The following OTOG variants were observed in gnomAD, a reference collection of about 807,000 sequenced individuals.
OTOG encodes otogelin.
In OTOG, 296 loss-of-function variants were observed where a neutral mutation model predicts 313.8. The observed-to-expected ratio is 0.94, with a 90% CI of 0.86 to 1.04. The LOEUF is 1.04. OTOG is among the 50% of genes least tolerant of loss of function. OTOG has a pLI of 0.00. For missense variants in OTOG, 3,948 were observed against 3,840.1 expected (o/e 1.03, Z -0.74); for synonymous variants, 1,533 against 1,554.9 (o/e 0.99, Z 0.33).
At chr11:17,642,280 CA>C (rs1404748065) in intron 53 of OTOG, 34 bp downstream of exon 53, 1 of 1,525,924 alleles carries the variant, frequency 6.6e-7, no homozygotes, top group Non-Finnish European at 8.8e-7. Flanking sequence ...GGCTGTAGGC[CA>C]GGGGCATCAG....
rs56402246 is a variant in OTOG, at chr11:17,548,418, CTTTTTTTTTTTT to C, written c.216+233_216+244del. Among the ~76,000 whole-genome samples the C allele has an allele frequency of 8.0e-3, 698 of 87,472 alleles. 18 individuals are homozygous for C. Among genetic ancestry groups the C allele is most frequent in the African/African-American group, 0.03 (629 of 20,982 alleles). The allele number at this position is 87,472 out of a possible 152,430, so 57.4% of individuals were successfully genotyped here. ...ATCTCTTGGGGGTCTATAGTCCACT[CTTTTTTTTTTTT>C]TTTTTTTTTTTTTTTTTTTTTTTTT... is the stretch of plus-strand genomic sequence containing the variant. On this transcript the variant is annotated intron_variant, in intron 3 of 55. Coordinates refer to ENST00000399397, the MANE Select transcript of OTOG (RefSeq NM_001292063.2).
intron 39 of OTOG, among the ~76,000 whole-genome samples, chr11:17,619,637 C>T (rs1853813950): frequency 6.6e-6 from 1 of 152,058 alleles, no homozygotes; most frequent in African/African-American, 2.4e-5. Flanking sequence ...TATTATATTG[C>T]ATCATATATA....
intron 3 of OTOG, among the ~76,000 whole-genome samples, chr11:17,549,936 C>G (rs185629006): frequency 3.9e-5 from 6 of 152,134 alleles, no homozygotes; most frequent in African/African-American, 1.4e-4. Flanking sequence ...TGGGGGTGTG[C>G]CCCAGACCAG....
At chr11:17,583,194 G>C (rs1268585848) in intron 23 of OTOG, among the ~76,000 whole-genome samples, 2 of 152,056 alleles carry the variant, frequency 1.3e-5, no homozygotes, top group African/African-American at 2.4e-5. Context: ...GAGTGCAGTG[G>C]TGCCATCACG....
At position 17,610,648 on chromosome 11, in the gene OTOG, C is replaced by A. The variant is rs1424814136; in HGVS notation, c.5348C>A (p.Ala1783Glu). The part of the protein sequence containing the change: ...ASLSTATDGL[A>E]ATPFMSLEST... The stretch of plus-strand genomic sequence containing the variant: ...CTGTCAACAGCCACTGATGGGCTGG[C>A]AGCCACACCCTTCATGTCCCTTGAG... Residue 1783 changes from alanine to glutamate, a missense_variant, in exon 36 of 56, where the codon GCA becomes GAA. Physicochemically the swap from Ala to Glu is moderately radical, Grantham distance 107. Transcript: ENST00000399397. 3 of 1,550,606 alleles carry A rather than the reference C, an allele frequency of 1.9e-6. No homozygotes were observed. Among genetic ancestry groups the A allele is most frequent in the African/African-American group, 1.4e-5 (1 of 73,046 alleles).
chr11:17,559,010 T>G, intron 10 of OTOG, 42 bp from the exon 11 acceptor site: 2 of 1,482,538 alleles, frequency 1.3e-6, no homozygotes, highest in Non-Finnish European at 1.8e-6. Context: ...CTGGTGGCAC[T>G]TTGGGTTTTG....
rs1369443484 is a variant in OTOG, at chr11:17,605,994, G to C, written c.4015G>C (p.Gly1339Arg). 2 of 1,550,602 alleles carry C rather than the reference G, an allele frequency of 1.3e-6. No homozygotes were observed. Among genetic ancestry groups the C allele is most frequent in the Admixed American group, 3.9e-5 (2 of 51,004 alleles). Residue 1339 changes from glycine to arginine, a missense_variant, in exon 33 of 56, where the codon GGG (glycine) becomes CGG (arginine). Physicochemically the swap from Gly to Arg is moderately radical, Grantham distance 125. Coordinates refer to ENST00000399397, the MANE Select transcript of OTOG (RefSeq NM_001292063.2). ...GCATGCCTCCTTCTTGCTGCACCGG[G>C]GGACACGGCAGGCAGGCCTGGTGGC... is the stretch of plus-strand genomic sequence containing the variant. Reference protein sequence around the residue: ...QQHASFLLHRGTRQAGLVALE... With the variant: ...QQHASFLLHRRTRQAGLVALE...
At chr11:17,593,996 G>A (rs1240202375) in intron 27 of OTOG, 51 bp from the exon 28 acceptor site, 31 of 1,549,430 alleles carry the variant, frequency 2.0e-5, no homozygotes, top group Non-Finnish European at 2.7e-5. Flanking sequence ...TCTGCCCGTG[G>A]CTCACCTCTG....
chr11:17,592,892 A>T (rs577839171), intron 25 of OTOG, among the ~76,000 whole-genome samples: 6 of 152,372 alleles, frequency 3.9e-5, no homozygotes. Flanking sequence ...AGCATCAAGG[A>T]TGTATGTGAG....
At chr11:17,567,970 A>T (rs944588126) in intron 15 of OTOG, among the ~76,000 whole-genome samples, 1 of 151,932 alleles carries the variant, frequency 6.6e-6, no homozygotes, top group South Asian at 2.1e-4. Flanking sequence ...TGCAGTGGCG[A>T]GATCTCGGCT....
chr11:17,614,157 A>C (rs1853667369), intron 39 of OTOG, among the ~76,000 whole-genome samples: 1 of 152,134 alleles, frequency 6.6e-6, no homozygotes, highest in Admixed American at 6.5e-5. Context: ...GCCCACCCCC[A>C]TATGGGCATC....
intron 48 of OTOG, chr11:17,639,049 T>C (rs957411582): frequency 3.2e-6 from 1 of 310,308 alleles, no homozygotes; most frequent in Non-Finnish European, 6.2e-6. Flanking sequence ...TGAGACTCCA[T>C]CTCAAAGAAA....
intron 1 of OTOG, 28 bp downstream of exon 1, chr11:17,547,494 C>A: frequency 7.5e-7 from 1 of 1,324,884 alleles, no homozygotes; most frequent in Non-Finnish European, 9.6e-7. Flanking sequence ...TCAGGGAGGT[C>A]GGGGGCTCGA....
chr11:17,610,618 C>T lies in OTOG; in HGVS notation c.5318C>T (p.Ala1773Val), dbSNP rs749527625. The T allele has an allele frequency of 3.4e-5, 52 of 1,550,576 alleles. 1 individual carries two copies. The highest frequency in any genetic ancestry group is 1.3e-4 in the South Asian group (11 of 84,066). ...PALPPETPAA[A>V]SLSTATDGLA... Reference sequence around the variant, plus strand: ...CTGCCCCCAGAGACCCCAGCTGCCGCCAGCCTGTCAACAGCCACTGATGGG... The same window carrying T: ...CTGCCCCCAGAGACCCCAGCTGCCGTCAGCCTGTCAACAGCCACTGATGGG... Residue 1773 changes from alanine (A) to valine (V), a missense_variant, in exon 36 of 56, where the codon GCC becomes GTC. Transcript: ENST00000399397.
rs986179183 is a variant in OTOG, at chr11:17,635,539, C to A, written c.7694-71C>A. On this transcript the variant is annotated intron_variant, in intron 46 of 55. Transcript: ENST00000399397. ...CTGGGTTGTTGAGGAGGCCCCACCCCCAGCAACGTGCTGTGTGCCAGGCCC... is the reference window on the plus strand; with the variant it reads ...CTGGGTTGTTGAGGAGGCCCCACCCACAGCAACGTGCTGTGTGCCAGGCCC... The A allele has an allele frequency of 5.5e-6, 7 of 1,272,074 alleles. No individual in the cohort carries two copies. In the Admixed American group the frequency reaches 1.2e-4, roughly 22 times the overall value. The allele number at this position is 1,272,074 out of a possible 1,614,324, so 78.8% of individuals were successfully genotyped here.
intron 17 of OTOG, 35 bp from the exon 18 acceptor site, chr11:17,572,045 G>A (rs1412213621): frequency 6.5e-7 from 1 of 1,550,030 alleles, no homozygotes; most frequent in Non-Finnish European, 8.7e-7. Flanking sequence ...GTCCACAGGG[G>A]CAAGTGTGTG....
intron 15 of OTOG, 105 bp downstream of exon 15, chr11:17,561,912 C>G: frequency 7.4e-7 from 1 of 1,351,008 alleles, no homozygotes; most frequent in Non-Finnish European, 1.0e-6. Flanking sequence ...CCATGGCCCC[C>G]ACCTGCTGCC....
chr11:17,620,566 T>A lies in OTOG; in HGVS notation c.6528+6865T>A, dbSNP rs80349916. On this transcript the variant is annotated intron_variant, in intron 39 of 55. Transcript: ENST00000399397. ...TGTTATGAAGTTCCACTATCTTTTA[T>A]CTTGCTTATTTCTGGTAAGAAATCT... 7.7e-3 allele frequency among the ~76,000 whole-genome samples: 1,175 copies of A among 152,370 alleles called. 10 individuals carry two copies. Among genetic ancestry groups the A allele is most frequent in the African/African-American group, 0.017 (717 of 41,590 alleles).
In OTOG at chr11:17,608,165, G is replaced by GT. The variant is rs5789994; in HGVS notation, c.4157-125dup. On this transcript the variant is annotated intron_variant, in intron 33 of 55. Transcript: ENST00000399397. Reference sequence around the variant, plus strand: ...ATGAACGCAGTTTCTCCTTAGTGTGGTTTTTTCCCCATTTGCTTTCCCTGC... The same window carrying GT: ...ATGAACGCAGTTTCTCCTTAGTGTGGTTTTTTTCCCCATTTGCTTTCCCTGC... The GT allele has an allele frequency of 0.18, 108,329 of 608,758 alleles. 10,604 individuals are homozygous for GT. The highest frequency in any genetic ancestry group is 0.25 in the South Asian group (10,329 of 41,700). 37.7% of individuals were successfully genotyped at this position (608,758 alleles called of 1,614,324 possible).
Sources: gnomAD v4.1 joint callset for allele counts (sites outside exome capture counted in the v4.1 genomes callset) on GRCh38, gnomAD v4.1.1 for gene constraint, MANE v1.5 for transcripts, NCBI Gene and HGNC (gene_info 2026-07-23, HGNC 2026-07-21) for gene names.